RGS6: variants seen among roughly 807,000 people sequenced by gnomAD.
RGS6 encodes the protein regulator of G protein signaling 6.
RGS6 carries 30 observed loss-of-function variants against 78.5 expected under a neutral mutation model. That is an observed-to-expected ratio of 0.38 (90% CI 0.29 to 0.52). RGS6 has a LOEUF of 0.52. Among genes scored for constraint, RGS6 ranks in the 20% least tolerant of loss-of-function variants. The pLI is 0.85. For synonymous variants in RGS6, 206 were observed against 206.0 expected (o/e 1.00, Z 0.00); for missense variants, 495 against 609.7 (o/e 0.81, Z 1.98).
At chr14:72,385,177 A>G (rs2087558250) in intron 3 of RGS6, among the ~76,000 whole-genome samples, 1 of 152,174 alleles carries the variant, frequency 6.6e-6, no homozygotes, top group Non-Finnish European at 1.5e-5. Context: ...AATTATTTGA[A>G]TCTCAAAGAT....
At chr14:72,338,055 A>C (rs2076357955) in intron 2 of RGS6, among the ~76,000 whole-genome samples, 2 of 152,126 alleles carry the variant, frequency 1.3e-5, no homozygotes, top group Non-Finnish European at 2.9e-5. Context: ...TGCATAGCTT[A>C]TTTTTTCTCC....
intron 2 of RGS6, among the ~76,000 whole-genome samples, chr14:72,211,677 G>GT (rs1172179680): frequency 4.6e-5 from 7 of 152,130 alleles, no homozygotes; most frequent in Non-Finnish European, 8.8e-5. Flanking sequence ...ACCCCCAAAC[G>GT]TAAGAATCAT....
intron 17 of RGS6, among the ~76,000 whole-genome samples, chr14:72,556,730 C>T (rs971196345): frequency 3.4e-4 from 52 of 151,548 alleles, no homozygotes; most frequent in African/African-American, 1.2e-3. Flanking sequence ...AAATCCATTA[C>T]GTTTATTTTG....
the RGS6 span, among the ~76,000 whole-genome samples, chr14:71,917,536 C>T: frequency 7.9e-5 from 12 of 152,164 alleles, no homozygotes; most frequent in African/African-American, 4.8e-5. Context: ...TGTCTACCCG[C>T]GACCTTGGGA....
intron 3 of RGS6, among the ~76,000 whole-genome samples, chr14:72,354,359 C>G (rs150231698): frequency 6.6e-6 from 1 of 151,878 alleles, no homozygotes; most frequent in African/African-American, 2.4e-5. Flanking sequence ...GGTGCCGTGA[C>G]TCATGCCTAT....
chr14:72,130,331 T>A (rs971480735), intron 2 of RGS6, among the ~76,000 whole-genome samples: 4 of 152,162 alleles, frequency 2.6e-5, no homozygotes, highest in Admixed American at 6.5e-5. Context: ...CAATGCAGGC[T>A]TCATTGCACA....
At chr14:72,334,140 G>T (rs1164327533) in intron 2 of RGS6, among the ~76,000 whole-genome samples, 1 of 152,222 alleles carries the variant, frequency 6.6e-6, no homozygotes, top group African/African-American at 2.4e-5. Flanking sequence ...TCCAGAAAGA[G>T]GCCCCGTGGG....
intron 2 of RGS6, among the ~76,000 whole-genome samples, chr14:72,332,073 C>T (rs747988940): frequency 2.6e-5 from 4 of 152,204 alleles, no homozygotes; most frequent in Admixed American, 6.5e-5. Context: ...GGCTCAGCAT[C>T]TGGCTAGACA....
At chr14:72,415,687 C>A (rs534862841) in intron 3 of RGS6, among the ~76,000 whole-genome samples, 6 of 152,228 alleles carry the variant, frequency 3.9e-5, no homozygotes, top group Non-Finnish European at 7.3e-5. Context: ...GCTCCACCCC[C>A]CCGGCAACTG....
intron 3 of RGS6, among the ~76,000 whole-genome samples, chr14:72,419,071 A>G (rs955720786): frequency 2.6e-5 from 4 of 152,260 alleles, no homozygotes; most frequent in Non-Finnish European, 4.4e-5. Flanking sequence ...AGTGGATGCC[A>G]GTAAAACTAA....
chr14:72,158,666 A>C (rs2096807189), intron 2 of RGS6, among the ~76,000 whole-genome samples: 1 of 152,210 alleles, frequency 6.6e-6, no homozygotes, highest in African/African-American at 2.4e-5. Flanking sequence ...ATGTTTCAAG[A>C]TAATTTCCGT....
chr14:72,134,896 C>T (rs2096405985), intron 2 of RGS6, among the ~76,000 whole-genome samples: 1 of 152,138 alleles, frequency 6.6e-6, no homozygotes, highest in Non-Finnish European at 1.5e-5. Context: ...TTCAGGCAGG[C>T]CCTCAACAGA....
At chr14:72,159,243 A>C (rs1226175840) in intron 2 of RGS6, among the ~76,000 whole-genome samples, 1 of 152,186 alleles carries the variant, frequency 6.6e-6, no homozygotes, top group African/African-American at 2.4e-5. Flanking sequence ...GGCATATGGC[A>C]GTGTTATTCA....
chr14:72,446,460 G>T (rs1231134281), intron 3 of RGS6, among the ~76,000 whole-genome samples: 7 of 152,218 alleles, frequency 4.6e-5, no homozygotes, highest in Admixed American at 4.6e-4. Flanking sequence ...GGAGGGCAAT[G>T]AAGGCCTTCC....
intron 3 of RGS6, among the ~76,000 whole-genome samples, chr14:72,440,119 GCTTTCTTCC>G (rs1374324373): frequency 6.6e-6 from 1 of 152,212 alleles, no homozygotes; most frequent in African/African-American, 2.4e-5. Context: ...CTTGCGCTTT[GCTTTCTTCC>G]CTTTCTTATC....
At chr14:72,185,661 C>G (rs1335914014) in intron 2 of RGS6, among the ~76,000 whole-genome samples, 3 of 152,290 alleles carry the variant, frequency 2.0e-5, no homozygotes, top group South Asian at 4.1e-4. Flanking sequence ...TAAAAAATTA[C>G]CAGCCAAGTG....
At chr14:72,535,468 C>G (rs1237852862) in intron 15 of RGS6, among the ~76,000 whole-genome samples, 1 of 152,210 alleles carries the variant, frequency 6.6e-6, no homozygotes, top group African/African-American at 2.4e-5. Flanking sequence ...CAGTTTGCCC[C>G]AATGGCAACA....
chr14:71,878,346 G>T, the RGS6 span, among the ~76,000 whole-genome samples: 2 of 152,160 alleles, frequency 1.3e-5, no homozygotes, highest in Admixed American at 1.3e-4. Context: ...AAGCTTCCTG[G>T]CCACTTTGTT....
intron 2 of RGS6, among the ~76,000 whole-genome samples, chr14:72,091,136 G>GTT (rs1555476281): frequency 6.6e-6 from 1 of 151,954 alleles, no homozygotes; most frequent in African/African-American, 2.4e-5. Context: ...CACACTGGCT[G>GTT]TCTCCACAGA....
Sources: allele counts gnomAD v4.1 joint callset (sites outside exome capture counted in the v4.1 genomes callset), GRCh38; gene constraint gnomAD v4.1.1; transcripts MANE v1.5; gene names NCBI Gene and HGNC (gene_info 2026-07-23, HGNC 2026-07-21).